The following FAM193A variants were observed in gnomAD, a reference collection of about 807,000 sequenced individuals.
FAM193A encodes protein FAM193A.
A neutral mutation model predicts 126.5 loss-of-function variants in FAM193A; 22 were observed. That is an observed-to-expected ratio of 0.17 (90% confidence interval 0.12 to 0.25). FAM193A has a LOEUF of 0.25. FAM193A is among the 10% of genes least tolerant of loss of function. FAM193A has a pLI of 1.00. For missense variants in FAM193A, 1,675 were observed against 1,672.8 expected (o/e 1.00, Z -0.02); for synonymous variants, 761 against 646.8 (o/e 1.18, Z -2.68).
intron 12 of FAM193A, among the ~76,000 whole-genome samples, chr4:2,670,484 G>T (rs1159312527): frequency 2.6e-5 from 4 of 151,648 alleles, no homozygotes; most frequent in Admixed American, 2.0e-4. Flanking sequence ...ACAAGGTCTT[G>T]CTCTGCCACC....
At chr4:2,703,967 G>C (rs1718026599) in intron 19 of FAM193A, among the ~76,000 whole-genome samples, 1 of 150,964 alleles carries the variant, frequency 6.6e-6, no homozygotes, top group African/African-American at 2.4e-5. Context: ...GTGAGACCCT[G>C]TCTCTTAAAA....
In FAM193A at chr4:2,732,455, A is replaced by G. The variant is rs1317028921; in HGVS notation, c.*587A>G. The G allele has an allele frequency of 6.3e-6, 1 of 159,036 alleles. No homozygotes were observed. Among genetic ancestry groups the G allele is most frequent in the Non-Finnish European group, 1.4e-5 (1 of 72,010 alleles). 9.9% of individuals were successfully genotyped at this position (159,036 alleles called of 1,614,324 possible). On this transcript the variant is annotated 3_prime_UTR_variant, in exon 21 of 21. Transcript: ENST00000637812. The stretch of plus-strand genomic sequence containing the variant: ...CAGTACTCACACCATCAAGTCTGTT[A>G]TAGAGTGTACGACTGTATTAACACG...
chr4:2,688,605 G>C (rs1214182670), intron 13 of FAM193A, among the ~76,000 whole-genome samples: 4 of 152,216 alleles, frequency 2.6e-5, no homozygotes, highest in Admixed American at 6.5e-5. Flanking sequence ...TTGCAGGCCA[G>C]AGCCTTGGGA....
At position 2,711,027 on chromosome 4, in the gene FAM193A, AT is replaced by A. The variant is rs754773017; in HGVS notation, c.4373-4990del. Among the ~76,000 whole-genome samples the A allele has an allele frequency of 1.4e-4, 20 of 147,310 alleles. 1 individual carries two copies. Among genetic ancestry groups the A allele is most frequent in the South Asian group, 6.4e-4 (3 of 4,666 alleles). On this transcript the variant is annotated intron_variant, in intron 19 of 20. Transcript: ENST00000637812. ...CCACCTCGCCCGGCTAATTTTTTGT[AT>A]TTTTTAGTAGAGACGGGGTTTCACC...
At chr4:2,549,691 C>T (rs1259911015) in intron 1 of FAM193A, among the ~76,000 whole-genome samples, 3 of 148,352 alleles carry the variant, frequency 2.0e-5, no homozygotes, top group African/African-American at 7.5e-5. Context: ...CCACCGCGCC[C>T]GGCCCCCTCT....
At chr4:2,583,422 C>T (rs954022891) in intron 1 of FAM193A, among the ~76,000 whole-genome samples, 3 of 152,208 alleles carry the variant, frequency 2.0e-5, no homozygotes, top group African/African-American at 4.8e-5. Flanking sequence ...CCTCTCTTCC[C>T]TTCCCCCTGC....
chr4:2,719,297 C>T (rs1719859099), intron 20 of FAM193A, among the ~76,000 whole-genome samples: 1 of 152,046 alleles, frequency 6.6e-6, no homozygotes, highest in East Asian at 1.9e-4. Context: ...GCAACTAGAG[C>T]AAGACTCCGT....
At position 2,679,092 on chromosome 4, in the gene FAM193A, T is replaced by C. The variant is rs779454721; in HGVS notation, c.2331+6720T>C. On this transcript the variant is annotated intron_variant, in intron 13 of 20. Coordinates refer to ENST00000637812, the MANE Select transcript of FAM193A (RefSeq NM_001366318.2). ...TATTATGTTTTGGTAGTTTTCCTTC[T>C]ATTCCTAGTTTGTTGGGTGTTTTTG... Among the ~76,000 whole-genome samples, 235 of 152,342 alleles carry C rather than the reference T, an allele frequency of 1.5e-3. 1 individual carries two copies. Among genetic ancestry groups the C allele is most frequent in the Admixed American group, 2.7e-3 (41 of 15,296 alleles).
At chr4:2,633,592 C>G (rs1272269527) in intron 5 of FAM193A, among the ~76,000 whole-genome samples, 2 of 151,626 alleles carry the variant, frequency 1.3e-5, no homozygotes, top group Non-Finnish European at 2.9e-5. Flanking sequence ...ACTGAATTTA[C>G]TAGATAATAA....
chr4:2,714,992 G>A (rs1007818441), intron 19 of FAM193A, among the ~76,000 whole-genome samples: 1 of 152,072 alleles, frequency 6.6e-6, no homozygotes, highest in Admixed American at 6.5e-5. Flanking sequence ...ATGTATTCAC[G>A]ATTGAATTAG....
At chr4:2,575,727 A>G (rs1170783231) in intron 1 of FAM193A, among the ~76,000 whole-genome samples, 1 of 152,048 alleles carries the variant, frequency 6.6e-6, no homozygotes, top group Non-Finnish European at 1.5e-5. Context: ...TCGGCCTCCC[A>G]AAGTGTGGGA....
intron 1 of FAM193A, among the ~76,000 whole-genome samples, chr4:2,579,296 A>G (rs1043886682): frequency 6.6e-6 from 1 of 151,878 alleles, no homozygotes; most frequent in African/African-American, 2.4e-5. Context: ...GGAGTTCAAG[A>G]CCAGCCTGGC....
At chr4:2,720,350 G>T (rs912408762) in intron 20 of FAM193A, among the ~76,000 whole-genome samples, 30 of 152,204 alleles carry the variant, frequency 2.0e-4, no homozygotes, top group African/African-American at 6.0e-4. Flanking sequence ...GAAGTTATTT[G>T]CTTTTGTTTT....
At chr4:2,688,891 A>G (rs1450979605) in intron 13 of FAM193A, among the ~76,000 whole-genome samples, 1 of 152,232 alleles carries the variant, frequency 6.6e-6, no homozygotes, top group Non-Finnish European at 1.5e-5. Flanking sequence ...CAATAAATGC[A>G]TGGATGTTGG....
chr4:2,556,561 A>T (rs1279636077), intron 1 of FAM193A, among the ~76,000 whole-genome samples: 1 of 152,300 alleles, frequency 6.6e-6, no homozygotes, highest in East Asian at 1.9e-4. Flanking sequence ...GTGCACCCAC[A>T]GTTCTAGCTA....
chr4:2,551,772 G>C (rs1237135002), intron 1 of FAM193A, among the ~76,000 whole-genome samples: 1 of 150,442 alleles, frequency 6.6e-6, no homozygotes, highest in Non-Finnish European at 1.5e-5. Flanking sequence ...TTTTCAGTGT[G>C]TTTGATTTTT....
chr4:2,697,566 G>A (rs1717179537), intron 18 of FAM193A, among the ~76,000 whole-genome samples: 1 of 152,188 alleles, frequency 6.6e-6, no homozygotes, highest in South Asian at 2.1e-4. Flanking sequence ...CCAGGTTTCT[G>A]TCTGCAGCAT....
intron 1 of FAM193A, among the ~76,000 whole-genome samples, chr4:2,565,764 C>T (rs1039860288): frequency 2.6e-5 from 4 of 152,178 alleles, no homozygotes; most frequent in African/African-American, 9.7e-5. Context: ...TAGAGTAGTA[C>T]ATCTTCACAA....
intron 12 of FAM193A, among the ~76,000 whole-genome samples, chr4:2,669,373 C>T (rs567466919): frequency 2.6e-5 from 4 of 152,196 alleles, no homozygotes; most frequent in African/African-American, 9.6e-5. Context: ...CTTTGGGAGG[C>T]AGAGGCGGGC....
Sources: allele counts gnomAD v4.1 joint callset (sites outside exome capture counted in the v4.1 genomes callset), GRCh38; gene constraint gnomAD v4.1.1; transcripts MANE v1.5; gene names NCBI Gene and HGNC (gene_info 2026-07-23, HGNC 2026-07-21).